Variants in ZNF407 observed in about 807,000 individuals in gnomAD.
ZNF407 encodes zinc finger protein 407.
In ZNF407, 17 loss-of-function variants were observed where a neutral mutation model predicts 131.2. That is an observed-to-expected ratio of 0.13 (90% CI 0.09 to 0.19). The LOEUF (loss-of-function observed/expected upper bound fraction) is 0.19, where lower values mean the gene tolerates loss of function less well. ZNF407 is among the 10% of genes least tolerant of loss of function. ZNF407 has a pLI of 1.00. For missense variants in ZNF407, 2,681 were observed against 2,830.6 expected, an observed-to-expected ratio of 0.95 and a Z score of 1.20; for synonymous variants, 1,156 against 1,062.0, an observed-to-expected ratio of 1.09 and a Z score of -1.72.
chr18:74,843,619 T>G (rs1268937296), intron 4 of ZNF407, among the ~76,000 whole-genome samples: 1 of 152,228 alleles, frequency 6.6e-6, no homozygotes, highest in Non-Finnish European at 1.5e-5. Flanking sequence ...TTATTCTCAG[T>G]GTCTGTAAAC....
At chr18:75,002,661 C>T (rs1177033013) in intron 8 of ZNF407, among the ~76,000 whole-genome samples, 1 of 152,108 alleles carries the variant, frequency 6.6e-6, no homozygotes, top group Admixed American at 6.5e-5. Flanking sequence ...AAAAATTAAC[C>T]GGGCGTGGTG....
chr18:75,006,269 C>A (rs1352378148), intron 8 of ZNF407, among the ~76,000 whole-genome samples: 1 of 152,106 alleles, frequency 6.6e-6, no homozygotes, highest in African/African-American at 2.4e-5. Context: ...CCTATTATAT[C>A]TTTGTTTTAT....
At chr18:74,681,881 C>T (rs1345676247) in intron 3 of ZNF407, among the ~76,000 whole-genome samples, 1 of 151,928 alleles carries the variant, frequency 6.6e-6, no homozygotes, top group African/African-American at 2.4e-5. Flanking sequence ...CAGAATCATA[C>T]CACTAGCTAA....
intron 3 of ZNF407, among the ~76,000 whole-genome samples, chr18:74,658,254 G>T (rs537020291): frequency 5.9e-5 from 9 of 152,146 alleles, no homozygotes; most frequent in African/African-American, 2.2e-4. Flanking sequence ...GAGCAGCTGG[G>T]ATTACAGGAA....
At chr18:74,814,262 T>G (rs1970237542) in intron 4 of ZNF407, among the ~76,000 whole-genome samples, 2 of 152,046 alleles carry the variant, frequency 1.3e-5, no homozygotes. Flanking sequence ...GCCTCCCAAG[T>G]AGCTGGGACT....
chr18:74,886,772 CT>C (rs1746896660), intron 6 of ZNF407, among the ~76,000 whole-genome samples: 2 of 152,006 alleles, frequency 1.3e-5, no homozygotes, highest in South Asian at 4.2e-4. Context: ...TAAAAGGAGT[CT>C]TTTTGGGGGT....
intron 4 of ZNF407, among the ~76,000 whole-genome samples, chr18:74,789,023 C>T (rs1402786824): frequency 3.3e-5 from 5 of 151,964 alleles, no homozygotes; most frequent in African/African-American, 2.4e-5. Context: ...CTACTATGTT[C>T]GAAGACTTAG....
chr18:74,713,078 C>A (rs569913712), intron 3 of ZNF407, among the ~76,000 whole-genome samples: 1 of 152,258 alleles, frequency 6.6e-6, no homozygotes, highest in African/African-American at 2.4e-5. Context: ...CTTATTGATA[C>A]CTGCATTTCA....
chr18:74,697,124 CTT>C (rs1385037972), intron 3 of ZNF407, among the ~76,000 whole-genome samples: 8 of 152,150 alleles, frequency 5.3e-5, no homozygotes. Flanking sequence ...GTAATAATAA[CTT>C]TACAATCTTA....
chr18:74,764,779 C>T (rs1346684141), intron 3 of ZNF407, among the ~76,000 whole-genome samples: 1 of 152,132 alleles, frequency 6.6e-6, no homozygotes, highest in Non-Finnish European at 1.5e-5. Flanking sequence ...TACTGTTGAC[C>T]AGAAGCCTTA....
intron 8 of ZNF407, among the ~76,000 whole-genome samples, chr18:75,010,371 T>G (rs572331146): frequency 7.1e-4 from 108 of 152,284 alleles, no homozygotes; most frequent in Non-Finnish European, 1.2e-3. Flanking sequence ...TGTGAACTGT[T>G]AATAGAACAG....
intron 8 of ZNF407, among the ~76,000 whole-genome samples, chr18:75,020,999 C>T (rs1973103290): frequency 6.6e-6 from 1 of 152,134 alleles, no homozygotes; most frequent in Non-Finnish European, 1.5e-5. Context: ...CGGAGGCTTT[C>T]TGTATTTCAC....
At chr18:74,851,155 G>A (rs1031805508) in intron 4 of ZNF407, among the ~76,000 whole-genome samples, 10 of 152,282 alleles carry the variant, frequency 6.6e-5, no homozygotes, top group East Asian at 3.9e-4. Context: ...CAGTGATATC[G>A]TAATAGGACT....
intron 3 of ZNF407, among the ~76,000 whole-genome samples, chr18:74,758,123 C>T (rs1235302295): frequency 6.6e-6 from 1 of 152,066 alleles, no homozygotes; most frequent in East Asian, 1.9e-4. Context: ...AGTCCATTTA[C>T]CTATAATGTC....
intron 4 of ZNF407, among the ~76,000 whole-genome samples, chr18:74,819,790 G>C (rs1403334886): frequency 1.3e-5 from 2 of 152,154 alleles, no homozygotes; most frequent in Admixed American, 6.5e-5. Context: ...TCCCCAACCT[G>C]ATGCCCTCTT....
chr18:74,710,281 A>G (rs986011009), intron 3 of ZNF407, among the ~76,000 whole-genome samples: 2 of 152,188 alleles, frequency 1.3e-5, no homozygotes, highest in African/African-American at 4.8e-5. Context: ...AAACCTCTCT[A>G]GTGTAGCATG....
chr18:74,785,651 A>G (rs1969688850), intron 4 of ZNF407, among the ~76,000 whole-genome samples: 1 of 152,154 alleles, frequency 6.6e-6, no homozygotes. Flanking sequence ...CATCATTGCT[A>G]TTTTTCAAGT....
chr18:74,808,126 A>G (rs1019384792), intron 4 of ZNF407, among the ~76,000 whole-genome samples: 1 of 151,860 alleles, frequency 6.6e-6, no homozygotes, highest in Non-Finnish European at 1.5e-5. Context: ...TGATTCTCCT[A>G]CCTCAGTCTC....
chr18:74,901,167 CCCACCGGTT>C (rs1369010902), intron 7 of ZNF407, among the ~76,000 whole-genome samples: 1 of 151,940 alleles, frequency 6.6e-6, no homozygotes, highest in Non-Finnish European at 1.5e-5. Context: ...TATATATGGC[CCCACCGGTT>C]GATGGATGCT....
Sources: allele counts gnomAD v4.1 joint callset (sites outside exome capture counted in the v4.1 genomes callset), GRCh38; gene constraint gnomAD v4.1.1; transcripts MANE v1.5; gene names NCBI Gene and HGNC (gene_info 2026-07-23, HGNC 2026-07-21).